CDK14: variants seen among roughly 807,000 people sequenced by gnomAD.
The protein encoded by CDK14 is cyclin-dependent kinase 14.
In CDK14, 34 loss-of-function variants were observed where a neutral mutation model predicts 60.7. The observed-to-expected ratio is 0.56, with a 90% CI of 0.43 to 0.75. The LOEUF (loss-of-function observed/expected upper bound fraction) is 0.75. CDK14 is among the 30% of genes least tolerant of loss of function. The probability of loss-of-function intolerance (pLI) is 0.00; values close to 1 mark genes in which losing one functional copy is unlikely to be tolerated. For synonymous variants in CDK14, 197 were observed against 203.7 expected (o/e 0.97, Z 0.28); for missense variants, 482 against 564.1 (o/e 0.85, Z 1.47).
At chr7:91,029,991 A>G (rs1796714633) in intron 10 of CDK14, among the ~76,000 whole-genome samples, 1 of 152,200 alleles carries the variant, frequency 6.6e-6, no homozygotes. Context: ...TTGTGGCCCC[A>G]GAGAGTATGA....
chr7:90,687,660 A>C (rs2116577396), intron 2 of CDK14, among the ~76,000 whole-genome samples: 1 of 152,270 alleles, frequency 6.6e-6, no homozygotes, highest in Middle Eastern at 3.4e-3. Flanking sequence ...AACAAGGCAG[A>C]AAGTTTTCAT....
intron 3 of CDK14, among the ~76,000 whole-genome samples, chr7:90,733,719 G>A (rs181613559): frequency 1.9e-3 from 296 of 152,226 alleles, no homozygotes; most frequent in Non-Finnish European, 3.1e-3. Context: ...CATGAGATGG[G>A]TCTCCTTAAT....
At chr7:90,634,390 G>A (rs1017807245) in intron 2 of CDK14, among the ~76,000 whole-genome samples, 1 of 148,942 alleles carries the variant, frequency 6.7e-6, no homozygotes, top group East Asian at 2.0e-4. Context: ...GCAGTGTTTG[G>A]TTTTTTGTCC....
chr7:91,002,853 A>T (rs968493230), intron 10 of CDK14, among the ~76,000 whole-genome samples: 12 of 152,138 alleles, frequency 7.9e-5, no homozygotes, highest in South Asian at 2.1e-4. Context: ...CGGGTGGATC[A>T]CCAGGTCAGG....
intron 10 of CDK14, among the ~76,000 whole-genome samples, chr7:91,033,368 A>G (rs1260418043): frequency 6.6e-6 from 1 of 152,196 alleles, no homozygotes; most frequent in Non-Finnish European, 1.5e-5. Context: ...TTAAAGAATA[A>G]TCTTACATAG....
At chr7:91,126,318 T>C (rs780604045) in intron 14 of CDK14, among the ~76,000 whole-genome samples, 20 of 152,260 alleles carry the variant, frequency 1.3e-4, no homozygotes, top group Middle Eastern at 3.4e-3. Context: ...AAGAATTTAA[T>C]CCTCCCTGGC....
chr7:90,611,995 G>A (rs916142747), intron 2 of CDK14, among the ~76,000 whole-genome samples: 5 of 151,952 alleles, frequency 3.3e-5, no homozygotes, highest in African/African-American at 1.2e-4. Flanking sequence ...ACCACACCCA[G>A]CTAATTTTTG....
intron 2 of CDK14, among the ~76,000 whole-genome samples, chr7:90,668,696 A>ATT (rs1554431005): frequency 1.5e-5 from 1 of 68,450 alleles, no homozygotes; most frequent in East Asian, 5.0e-4. Flanking sequence ...AAGGACTCGC[A>ATT]TTCTTTTTTT....
rs187581624 is a variant in CDK14, at chr7:91,039,259, C to G, written c.1042-6638C>G. ...TCATGCTGACTTTCTGTTTCACATG[C>G]TTGTCTCTTTGTCTCTCTCTCCAGA... On this transcript the variant is annotated intron_variant, in intron 10 of 14. Transcript: ENST00000380050. 2.8e-3 allele frequency among the ~76,000 whole-genome samples: 431 copies of G among 152,278 alleles called. 5 individuals are homozygous for G. The highest frequency in any genetic ancestry group is 2.0e-3 in the Non-Finnish European group (134 of 68,034).
At chr7:90,810,215 T>A (rs1174639641) in intron 5 of CDK14, among the ~76,000 whole-genome samples, 1 of 152,118 alleles carries the variant, frequency 6.6e-6, no homozygotes, top group East Asian at 1.9e-4. Context: ...GATGCAGAAA[T>A]CCTCAATAAA....
rs191845291 is a variant in CDK14, at chr7:90,958,094, C to G, written c.947+2277C>G. On this transcript the variant is annotated intron_variant, in intron 9 of 14. Coordinates refer to ENST00000380050, the MANE Select transcript of CDK14 (RefSeq NM_001287135.2). Reference sequence around the variant, plus strand: ...TTACTTACTTCAGTGCTCTACCCCCCGTAATCTTGGCTTTTCATAAATTGG... The same window carrying G: ...TTACTTACTTCAGTGCTCTACCCCCGGTAATCTTGGCTTTTCATAAATTGG... Among the ~76,000 whole-genome samples, 6 of 152,208 alleles carry G rather than the reference C, an allele frequency of 3.9e-5. No individual in the cohort carries two copies. In the South Asian group the frequency reaches 8.3e-4, roughly 21 times the overall value.
intron 14 of CDK14, among the ~76,000 whole-genome samples, chr7:91,123,277 G>T (rs944119447): frequency 1.3e-5 from 2 of 152,048 alleles, no homozygotes; most frequent in Non-Finnish European, 2.9e-5. Context: ...AGATTTCTGG[G>T]GTTTTTCCTG....
At chr7:91,096,500 C>T (rs1002445813) in intron 12 of CDK14, among the ~76,000 whole-genome samples, 1 of 151,966 alleles carries the variant, frequency 6.6e-6, no homozygotes, top group Non-Finnish European at 1.5e-5. Flanking sequence ...TCAGAACTAC[C>T]CAGTTAAGCT....
intron 5 of CDK14, among the ~76,000 whole-genome samples, chr7:90,793,231 A>G (rs1025406607): frequency 2.6e-5 from 4 of 152,218 alleles, no homozygotes; most frequent in Non-Finnish European, 5.9e-5. Context: ...TATAAATATG[A>G]CAGATTATTA....
intron 5 of CDK14, among the ~76,000 whole-genome samples, chr7:90,792,197 C>CTT (rs1438113840): frequency 3.7e-5 from 4 of 107,076 alleles, no homozygotes; most frequent in African/African-American, 1.1e-4. Context: ...ACTGTGCCTG[C>CTT]CTTTTTTTTT....
rs149042459 is a variant in CDK14, at chr7:91,112,550, A to G, written c.1163A>G (p.Tyr388Cys). The change falls in exon 13 of 15, where the codon TAT (tyrosine) becomes TGT (cysteine). Residue 388 changes from tyrosine to cysteine, a missense_variant. Tyr to Cys is a radical substitution (Grantham distance 194). Coordinates refer to ENST00000380050, the MANE Select transcript of CDK14 (RefSeq NM_001287135.2). Reference sequence around the variant, plus strand: ...TTTGCTCATGTTTTTAGGCTCAGCTATGTGAACCATGCAGAGGACCTGGCC... The same window carrying G: ...TTTGCTCATGTTTTTAGGCTCAGCTGTGTGAACCATGCAGAGGACCTGGCC... ...NLRQAWNKLS[Y>C]VNHAEDLASK... 1.1e-4 allele frequency: 176 copies of G among 1,613,288 alleles called. No individual in the cohort carries two copies. The highest frequency in any genetic ancestry group is 1.4e-4 in the Non-Finnish European group (167 of 1,179,580).
In CDK14 at chr7:91,085,303, G is replaced by A. The variant is rs60928423; in HGVS notation, c.1154+5823G>A. On this transcript the variant is annotated intron_variant, in intron 12 of 14. Coordinates refer to ENST00000380050, the MANE Select transcript of CDK14 (RefSeq NM_001287135.2). Reference sequence around the variant, plus strand: ...TTGGCAGAATTCAGTTCCTTGGGGGGTATGGCTGAGGTCTCACTTCCTTGC... The same window carrying A: ...TTGGCAGAATTCAGTTCCTTGGGGGATATGGCTGAGGTCTCACTTCCTTGC... 8.1e-3 allele frequency among the ~76,000 whole-genome samples: 1,234 copies of A among 152,192 alleles called. 18 individuals are homozygous for A. Among genetic ancestry groups the A allele is most frequent in the African/African-American group, 0.027 (1,140 of 41,516 alleles).
chr7:90,975,677 C>T (rs1018949936), intron 9 of CDK14, among the ~76,000 whole-genome samples: 1 of 151,976 alleles, frequency 6.6e-6, no homozygotes. Flanking sequence ...TAGCAAATCT[C>T]CCCCTATACT....
chr7:91,137,207 G>A (rs147052123), intron 14 of CDK14, among the ~76,000 whole-genome samples: 3 of 152,162 alleles, frequency 2.0e-5, no homozygotes, highest in African/African-American at 7.2e-5. Context: ...TGCTTTGCTG[G>A]AAGTGGTGCA....
Sources: gnomAD v4.1 joint callset for allele counts (sites outside exome capture counted in the v4.1 genomes callset) on GRCh38, gnomAD v4.1.1 for gene constraint, MANE v1.5 for transcripts, NCBI Gene and HGNC (gene_info 2026-07-23, HGNC 2026-07-21) for gene names.